Variants in MAST3 observed in about 807,000 individuals in gnomAD.
MAST3 encodes microtubule associated serine/threonine kinase 3.
MAST3 carries 43 observed loss-of-function variants against 127.0 expected under a neutral mutation model. That is an observed-to-expected ratio of 0.34 (90% CI 0.27 to 0.44). The LOEUF is 0.44. MAST3 is among the 20% of genes least tolerant of loss of function. The pLI, the probability that MAST3 is intolerant of heterozygous loss-of-function variation, is 1.00. For missense variants in MAST3, 1,390 were observed against 1,919.1 expected (o/e 0.72, Z 5.15); for synonymous variants, 785 against 809.2 (o/e 0.97, Z 0.51).
At chr19:18,125,114 CAAAAA>C (rs68127939) in intron 11 of MAST3, among the ~76,000 whole-genome samples, 107 of 151,886 alleles carry the variant, frequency 7.0e-4, no homozygotes, top group African/African-American at 2.2e-3. Flanking sequence ...CTCAAAAAAA[CAAAAA>C]AAGAAAGGGC....
chr19:18,144,956 G>A lies in MAST3; in HGVS notation c.2813-47G>A. On this transcript the variant is annotated intron_variant, in intron 23 of 27. Coordinates refer to ENST00000687212, the MANE Select transcript of MAST3 (RefSeq NM_001393504.1). The surrounding 1 kb of genome is among the most constrained non-coding windows in gnomAD (Gnocchi z 4.0). The stretch of plus-strand genomic sequence containing the variant: ...TGTGGTGGGAAAGAGGGGGCCCCAG[G>A]GGAGACCTGTGAGGGAGTGAGTGAC... 1 of 1,103,748 alleles carries A rather than the reference G, an allele frequency of 9.1e-7. No homozygotes were observed. The highest frequency in any genetic ancestry group is 1.4e-6 in the Non-Finnish European group (1 of 740,026). 68.4% of individuals were successfully genotyped at this position (1,103,748 alleles called of 1,614,324 possible).
intron 20 of MAST3, among the ~76,000 whole-genome samples, chr19:18,141,377 C>CTT (rs370099564): frequency 5.7e-5 from 7 of 122,750 alleles, no homozygotes; most frequent in South Asian, 2.5e-4. Flanking sequence ...AGCCAGCTTT[C>CTT]TTTTTTTTTT....
chr19:18,116,900 C>T (rs896951981), intron 3 of MAST3, among the ~76,000 whole-genome samples: 1 of 147,208 alleles, frequency 6.8e-6, no homozygotes. Context: ...GCAACGAGAG[C>T]GAAACTCTGT....
At chr19:18,142,347 C>CTTTT (rs776007010) in intron 21 of MAST3, among the ~76,000 whole-genome samples, 16 of 122,190 alleles carry the variant, frequency 1.3e-4, no homozygotes, top group Non-Finnish European at 1.9e-4. Context: ...GGAAGCTGGC[C>CTTTT]TTTTTTTTTT....
chr19:18,134,362 A>G (rs1232406751), intron 15 of MAST3, among the ~76,000 whole-genome samples: 2 of 152,232 alleles, frequency 1.3e-5, no homozygotes, highest in African/African-American at 4.8e-5. Context: ...CCTGGGCAAC[A>G]TAGCAAGACC....
At chr19:18,127,048 G>A (rs2040732060) in intron 11 of MAST3, among the ~76,000 whole-genome samples, 1 of 151,822 alleles carries the variant, frequency 6.6e-6, no homozygotes, top group Middle Eastern at 3.2e-3. Context: ...CCAAAGTGCT[G>A]GGATTACAGG....
rs558759320 is a variant in MAST3 at position 18,149,471 on chromosome 19, C to G, written c.3789C>G (p.Asp1263Glu). Residue 1263 changes from aspartate (D) to glutamate (E), a missense_variant, in exon 28 of 28, where the codon GAC (aspartate) becomes GAG (glutamate). Transcript: ENST00000687212. This position sits in a 1 kb window ranked among gnomAD's most constrained non-coding sequence, Gnocchi z 5.9. ...SPRLRRGQSA[D>E]KLGTGERLDG... ...GGCTGCGCCGGGGCCAGTCAGCTGA[C>G]AAGCTGGGCACAGGGGAGCGGCTGG... 6.5e-7 allele frequency: 1 copy of G among 1,540,830 alleles called. No individual in the cohort carries two copies. Among genetic ancestry groups the G allele is most frequent in the South Asian group, 1.2e-5 (1 of 83,674 alleles).
At chr19:18,136,841 CAG>C (rs1295537147) in intron 18 of MAST3, among the ~76,000 whole-genome samples, 1 of 151,782 alleles carries the variant, frequency 6.6e-6, no homozygotes, top group African/African-American at 2.4e-5. Flanking sequence ...TTTTTTGAGA[CAG>C]AGTCTTGCTT....
intron 1 of MAST3, among the ~76,000 whole-genome samples, chr19:18,103,675 TG>T (rs1216390358): frequency 6.6e-6 from 1 of 152,208 alleles, no homozygotes; most frequent in Non-Finnish European, 1.5e-5. Flanking sequence ...GCTCTGAGCT[TG>T]CTACTCATTG....
At position 18,110,320 on chromosome 19, in the gene MAST3, A is replaced by G; in HGVS notation, c.72-332A>G. 1.0e-6 allele frequency: 1 copy of G among 985,542 alleles called. No individual in the cohort carries two copies. Among genetic ancestry groups the G allele is most frequent in the Non-Finnish European group, 1.2e-6 (1 of 829,990 alleles). 61.0% of individuals were successfully genotyped at this position (985,542 alleles called of 1,614,324 possible). ...GCACAGAGGCGGCCTCTGCCTCGGC[A>G]TGAAGTCCCGCAGGGACAAGCTGCA... On this transcript the variant is annotated intron_variant, in intron 2 of 27. Transcript: ENST00000687212. This position sits in a 1 kb window ranked among gnomAD's most constrained non-coding sequence, Gnocchi z 4.3.
chr19:18,102,152 T>G (rs1397033924), intron 1 of MAST3, among the ~76,000 whole-genome samples: 1 of 152,052 alleles, frequency 6.6e-6, no homozygotes, highest in Non-Finnish European at 1.5e-5. Flanking sequence ...AGTGCTGAGA[T>G]TACAGGTGTT....
At position 18,129,935 on chromosome 19, in the gene MAST3, A is replaced by AG. The variant is rs1555800727; in HGVS notation, c.1224-559_1224-558insG. Among the ~76,000 whole-genome samples, 40 of 148,908 alleles carry AG rather than the reference A, an allele frequency of 2.7e-4. 1 individual carries two copies. The highest frequency in any genetic ancestry group is 1.9e-3 in the Admixed American group (28 of 14,950). On this transcript the variant is annotated intron_variant, in intron 13 of 27. Coordinates refer to ENST00000687212, the MANE Select transcript of MAST3 (RefSeq NM_001393504.1). ...GTGAGACCATCTCAAAAAAAAAAAAAAAGGAAAGAAAGAAAGAAAGAAATA... is the reference window on the plus strand; with the variant it reads ...GTGAGACCATCTCAAAAAAAAAAAAAGAAGGAAAGAAAGAAAGAAAGAAATA...
At chr19:18,098,157 T>C (rs2037162998) in intron 1 of MAST3, among the ~76,000 whole-genome samples, 2 of 152,144 alleles carry the variant, frequency 1.3e-5, no homozygotes, top group Admixed American at 1.3e-4. Flanking sequence ...CACCATATGT[T>C]CATGGTTGTT....
rs146244499 is a variant in MAST3 at position 18,146,234 on chromosome 19, T to A, written c.3162+369T>A. Among the ~76,000 whole-genome samples the A allele has an allele frequency of 3.3e-5, 5 of 152,250 alleles. No individual in the cohort carries two copies. In the East Asian group the frequency reaches 9.7e-4, roughly 30 times the overall value. ...CAGGATGATCACCTGAGCTCAGGACTTTGAGACCAGCCTGGGCAACAGAGC... is the reference window on the plus strand; with the variant it reads ...CAGGATGATCACCTGAGCTCAGGACATTGAGACCAGCCTGGGCAACAGAGC... On this transcript the variant is annotated intron_variant, in intron 25 of 27. Coordinates refer to ENST00000687212, the MANE Select transcript of MAST3 (RefSeq NM_001393504.1).
At chr19:18,101,795 C>T (rs1458442682) in intron 1 of MAST3, among the ~76,000 whole-genome samples, 1 of 151,406 alleles carries the variant, frequency 6.6e-6, no homozygotes, top group African/African-American at 2.4e-5. Context: ...GGATTACAGG[C>T]GAGCGCCACC....
In MAST3 at chr19:18,145,770, G is replaced by A. The variant is rs1341543199; in HGVS notation, c.3067G>A (p.Glu1023Lys). 1.3e-6 allele frequency: 2 copies of A among 1,592,182 alleles called. No individual in the cohort carries two copies. Among genetic ancestry groups the A allele is most frequent in the East Asian group, 2.3e-5 (1 of 43,102 alleles). ...TGTGGAGGACGGAAGCCCCGCCCAGGAGGCGGGCCTGCGGGCTGGGGACCT... is the reference window on the plus strand; with the variant it reads ...TGTGGAGGACGGAAGCCCCGCCCAGAAGGCGGGCCTGCGGGCTGGGGACCT... The part of the protein sequence containing the change: ...WSVEDGSPAQ[E>K]AGLRAGDLIT... Residue 1023 changes from glutamate to lysine, a missense_variant, in exon 25 of 28, where the codon GAG (glutamate) becomes AAG (lysine). Glu to Lys is a moderately conservative substitution (Grantham distance 56, BLOSUM62 1). Around this residue, in one of 5 missense-constraint regions of MAST3, gnomAD observed 816 missense variants for 934.1 expected, o/e 0.87. Transcript: ENST00000687212. This position sits in a 1 kb window ranked among gnomAD's most constrained non-coding sequence, Gnocchi z 5.9.
At chr19:18,107,863 C>A (rs1456862581) in intron 2 of MAST3, among the ~76,000 whole-genome samples, 1 of 152,174 alleles carries the variant, frequency 6.6e-6, no homozygotes, top group African/African-American at 2.4e-5. Flanking sequence ...CAGCTAAGGA[C>A]ACTCAGCTGG....
intron 5 of MAST3, chr19:18,122,199 G>T (rs1034445359): frequency 2.3e-6 from 2 of 884,472 alleles, no homozygotes; most frequent in African/African-American, 3.6e-5. Flanking sequence ...ACTCACTAAA[G>T]AAATCATTCA....
chr19:18,144,105 GA>G lies in MAST3; in HGVS notation c.2584+99del. The G allele has an allele frequency of 6.8e-7, 1 of 1,460,552 alleles. No homozygotes were observed. Among genetic ancestry groups the G allele is most frequent in the Admixed American group, 2.3e-5 (1 of 43,558 alleles). 90.5% of individuals were successfully genotyped at this position (1,460,552 alleles called of 1,614,324 possible). Reference sequence around the variant, plus strand: ...TTCAAGGATGAGTAGGAGTTCTCCAGAGCCAACAAAGGCTTTAAGAGAGGAG... The same window carrying G: ...TTCAAGGATGAGTAGGAGTTCTCCAGGCCAACAAAGGCTTTAAGAGAGGAG... On this transcript the variant is annotated intron_variant, in intron 22 of 27. Coordinates refer to ENST00000687212, the MANE Select transcript of MAST3 (RefSeq NM_001393504.1). The surrounding 1 kb of genome is among the most constrained non-coding windows in gnomAD (Gnocchi z 4.0).
Sources: gnomAD v4.1 joint callset for allele counts (sites outside exome capture counted in the v4.1 genomes callset) on GRCh38, gnomAD v4.1.1 for gene constraint, gnomAD v4.1.1 regional missense constraint, Gnocchi (gnomAD v3.1) non-coding constraint, MANE v1.5 for transcripts, NCBI Gene and HGNC (gene_info 2026-07-23, HGNC 2026-07-21) for gene names.